The following KIAA1328 variants were observed in gnomAD, a reference collection of about 807,000 sequenced individuals.
The protein encoded by KIAA1328 is KIAA1328.
Under a neutral mutation model 68.1 loss-of-function variants are expected in KIAA1328, and 52 were observed. The observed-to-expected ratio is 0.76, with a 90% CI of 0.61 to 0.96. The LOEUF (loss-of-function observed/expected upper bound fraction) is 0.96. Among genes scored for constraint, KIAA1328 ranks in the 40% least tolerant of loss-of-function variants. KIAA1328 has a pLI of 0.00. For missense variants in KIAA1328, 641 were observed against 677.6 expected, an observed-to-expected ratio of 0.95 and a Z score of 0.60; for synonymous variants, 232 against 239.4, an observed-to-expected ratio of 0.97 and a Z score of 0.28.
chr18:37,134,083 G>T (rs72894330), intron 7 of KIAA1328, among the ~76,000 whole-genome samples: 5 of 150,490 alleles, frequency 3.3e-5, no homozygotes, highest in Non-Finnish European at 7.4e-5. Context: ...GCATGATCTC[G>T]GCTCTCTGCA....
At chr18:37,125,773 G>A (rs962561816) in intron 7 of KIAA1328, among the ~76,000 whole-genome samples, 4 of 152,162 alleles carry the variant, frequency 2.6e-5, no homozygotes, top group African/African-American at 9.7e-5. Context: ...TCTGATATGA[G>A]ATCAAGCAGA....
chr18:37,163,221 T>C (rs1417348923), intron 8 of KIAA1328, among the ~76,000 whole-genome samples: 2 of 152,190 alleles, frequency 1.3e-5, no homozygotes, highest in African/African-American at 4.8e-5. Flanking sequence ...CTGAGGGCAT[T>C]TTTTTCTTGT....
intron 9 of KIAA1328, among the ~76,000 whole-genome samples, chr18:37,220,971 C>T (rs1176071058): frequency 6.6e-6 from 1 of 152,164 alleles, no homozygotes; most frequent in African/African-American, 2.4e-5. Flanking sequence ...GGGCTACAGG[C>T]ACATGCCACC....
At chr18:36,928,389 T>C (rs1262885809) in intron 5 of KIAA1328, among the ~76,000 whole-genome samples, 1 of 152,208 alleles carries the variant, frequency 6.6e-6, no homozygotes, top group African/African-American at 2.4e-5. Context: ...GTAATTTACT[T>C]GACTTTATTG....
At chr18:36,898,687 C>T (rs1295579794) in intron 5 of KIAA1328, among the ~76,000 whole-genome samples, 2 of 151,974 alleles carry the variant, frequency 1.3e-5, no homozygotes, top group Admixed American at 6.6e-5. Context: ...GGGAGCCACA[C>T]TTTTTTAAAG....
intron 7 of KIAA1328, among the ~76,000 whole-genome samples, chr18:37,136,287 C>G (rs2058642801): frequency 6.6e-6 from 1 of 152,066 alleles, no homozygotes; most frequent in Non-Finnish European, 1.5e-5. Context: ...ATTTATAGGA[C>G]TTTGGTACCA....
intron 5 of KIAA1328, among the ~76,000 whole-genome samples, chr18:36,910,611 T>C (rs1226600755): frequency 6.6e-6 from 1 of 152,188 alleles, no homozygotes; most frequent in Non-Finnish European, 1.5e-5. Context: ...GTGGGCTCTT[T>C]TTTTGGTTCC....
intron 3 of KIAA1328, among the ~76,000 whole-genome samples, chr18:36,843,430 A>G (rs10502666): frequency 0.14 from 20,749 of 152,084 alleles, 1,758 homozygotes; most frequent in Admixed American, 0.18. Context: ...TTCCTTTTAC[A>G]TGTTACCTAC....
intron 4 of KIAA1328, among the ~76,000 whole-genome samples, chr18:36,876,638 T>C (rs867412304): frequency 3.9e-5 from 6 of 152,216 alleles, no homozygotes; most frequent in African/African-American, 9.6e-5. Context: ...CCTGGATTCA[T>C]TGATTTTTTG....
intron 9 of KIAA1328, among the ~76,000 whole-genome samples, chr18:37,175,962 G>C (rs2059590334): frequency 6.6e-6 from 1 of 152,042 alleles, no homozygotes; most frequent in Non-Finnish European, 1.5e-5. Context: ...TTCATTCCAT[G>C]TGCAGGTGAA....
intron 4 of KIAA1328, among the ~76,000 whole-genome samples, chr18:36,861,394 GTAAT>G (rs2047561513): frequency 6.6e-6 from 1 of 152,036 alleles, no homozygotes; most frequent in South Asian, 2.1e-4. Flanking sequence ...TTTTCTCTGT[GTAAT>G]TAATTAATAT....
At chr18:37,102,839 C>T (rs1321734698) in intron 7 of KIAA1328, among the ~76,000 whole-genome samples, 3 of 152,198 alleles carry the variant, frequency 2.0e-5, no homozygotes, top group East Asian at 3.9e-4. Context: ...CTTAAAGGCA[C>T]CACCAAAATA....
intron 7 of KIAA1328, among the ~76,000 whole-genome samples, chr18:37,096,366 T>C (rs2057407197): frequency 6.6e-6 from 1 of 152,164 alleles, no homozygotes; most frequent in African/African-American, 2.4e-5. Context: ...CTGAGAATGA[T>C]GGTTTCCAGC....
At chr18:36,863,626 G>T (rs56929667) in intron 4 of KIAA1328, among the ~76,000 whole-genome samples, 2 of 152,090 alleles carry the variant, frequency 1.3e-5, no homozygotes, top group Admixed American at 6.5e-5. Flanking sequence ...GCCTTTGCTG[G>T]GTTGGGTCTT....
intron 6 of KIAA1328, among the ~76,000 whole-genome samples, chr18:37,012,105 G>A (rs1341532904): frequency 2.0e-5 from 3 of 152,160 alleles, no homozygotes; most frequent in Admixed American, 1.3e-4. Flanking sequence ...TGAAAGGAAC[G>A]AAGAAGCGGG....
At chr18:36,846,724 C>T (rs2047041902) in intron 4 of KIAA1328, among the ~76,000 whole-genome samples, 1 of 151,444 alleles carries the variant, frequency 6.6e-6, no homozygotes, top group Admixed American at 6.6e-5. Flanking sequence ...ACAGTATATA[C>T]TCTTTTACTG....
At chr18:37,032,287 A>G (rs1011036928) in intron 6 of KIAA1328, among the ~76,000 whole-genome samples, 2 of 152,204 alleles carry the variant, frequency 1.3e-5, no homozygotes, top group East Asian at 1.9e-4. Context: ...TTGTTCTGTT[A>G]TTATTGTCAC....
chr18:37,070,052 G>A (rs1349973561), intron 7 of KIAA1328, among the ~76,000 whole-genome samples: 2 of 151,958 alleles, frequency 1.3e-5, no homozygotes, highest in African/African-American at 2.4e-5. Context: ...TGTGTTTTTG[G>A]GGTATCTTTT....
At chr18:36,878,985 T>A (rs1435958849) in intron 4 of KIAA1328, among the ~76,000 whole-genome samples, 1 of 152,170 alleles carries the variant, frequency 6.6e-6, no homozygotes, top group East Asian at 1.9e-4. Context: ...CAGAGGAGTT[T>A]GTTATTACCC....
Sources: allele counts gnomAD v4.1 joint callset (sites outside exome capture counted in the v4.1 genomes callset), GRCh38; gene constraint gnomAD v4.1.1; transcripts MANE v1.5; gene names NCBI Gene and HGNC (gene_info 2026-07-23, HGNC 2026-07-21).